The following SEZ6L variants were observed in gnomAD, a reference collection of about 807,000 sequenced individuals.
SEZ6L encodes the protein seizure 6-like protein.
A neutral mutation model predicts 106.2 loss-of-function variants in SEZ6L; 37 were observed. The ratio of observed to expected loss-of-function variants is 0.35; its 90% CI spans 0.27 to 0.46. SEZ6L has a LOEUF of 0.46. Among genes scored for constraint, SEZ6L ranks in the 20% least tolerant of loss-of-function variants. SEZ6L has a pLI of 1.00. For missense variants in SEZ6L, 1,172 were observed against 1,332.8 expected (o/e 0.88, Z 1.88); for synonymous variants, 541 against 570.4 (o/e 0.95, Z 0.73).
At chr22:26,301,624 G>A (rs2081457490) in intron 5 of SEZ6L, among the ~76,000 whole-genome samples, 1 of 152,158 alleles carries the variant, frequency 6.6e-6, no homozygotes, top group South Asian at 2.1e-4. Context: ...TGTGATAGAG[G>A]ACCTCACCTG....
Position 26,347,828 on chromosome 22 carries a change from C to T in SEZ6L, c.2322C>T (p.Asp774=). The change falls in exon 11 of 17, where the codon GAC becomes GAT. Residue 774 remains aspartate, a synonymous_variant. Transcript: ENST00000248933. ...GAGCCAGAATCACCTACCAGTGTGA[C>T]CCCGGCTATGACATCGTGGGGAGTG... is the stretch of plus-strand genomic sequence containing the variant. The part of the protein sequence containing the change: ...VRGARITYQC[D]PGYDIVGSDT... 1.9e-6 allele frequency: 3 copies of T among 1,606,562 alleles called. No homozygotes were observed. The highest frequency in any genetic ancestry group is 2.5e-6 in the Non-Finnish European group (3 of 1,177,556).
intron 1 of SEZ6L, among the ~76,000 whole-genome samples, chr22:26,267,834 T>C (rs1383851266): frequency 6.6e-6 from 1 of 152,148 alleles, no homozygotes; most frequent in Non-Finnish European, 1.5e-5. Flanking sequence ...GGAAGGTGAC[T>C]GAAATTAAGA....
At chr22:26,258,963 A>G (rs2079913142) in intron 1 of SEZ6L, among the ~76,000 whole-genome samples, 1 of 152,266 alleles carries the variant, frequency 6.6e-6, no homozygotes, top group Admixed American at 6.5e-5. Context: ...AGTCAGGGCA[A>G]CTAGTGAAGA....
chr22:26,244,913 G>A (rs973504916), intron 1 of SEZ6L, among the ~76,000 whole-genome samples: 1 of 152,170 alleles, frequency 6.6e-6, no homozygotes, highest in Admixed American at 6.5e-5. Context: ...AGCAGAACGA[G>A]GGGTTTGTGT....
intron 16 of SEZ6L, among the ~76,000 whole-genome samples, chr22:26,378,829 G>GATAA (rs1447419444): frequency 6.6e-6 from 1 of 152,162 alleles, no homozygotes; most frequent in African/African-American, 2.4e-5. Context: ...GAATAAACCT[G>GATAA]ACTTGTTTCT....
rs1334380360 is a variant in SEZ6L at position 26,380,948 on chromosome 22, T to C, written c.*653T>C. On this transcript the variant is annotated 3_prime_UTR_variant, in exon 17 of 17. Coordinates refer to ENST00000248933, the MANE Select transcript of SEZ6L (RefSeq NM_021115.5). ...TGACAAAACAAGAAAACGTTTTCTT[T>C]CTAGAAAGGTGATAAACGACCAAAG... 1.3e-5 allele frequency: 2 copies of C among 152,172 alleles called. No homozygotes were observed. The highest frequency in any genetic ancestry group is 1.3e-4 in the Admixed American group (2 of 15,276). 9.4% of individuals were successfully genotyped at this position (152,172 alleles called of 1,614,324 possible). A position where few individuals can be genotyped will look rare whatever the true frequency, so the allele number is the denominator to read the frequency against.
At chr22:26,239,218 T>C (rs547335650) in intron 1 of SEZ6L, among the ~76,000 whole-genome samples, 61 of 152,196 alleles carry the variant, frequency 4.0e-4, no homozygotes, top group African/African-American at 1.4e-3. Flanking sequence ...TGTGAAACCC[T>C]GTCTCAAAAA....
At chr22:26,294,480 G>A (rs970363493) in intron 3 of SEZ6L, 55 bp downstream of exon 3, 5 of 1,573,752 alleles carry the variant, frequency 3.2e-6, no homozygotes, top group East Asian at 4.5e-5. Context: ...GAAGTCTCAG[G>A]AGGATTGTCT....
intron 1 of SEZ6L, among the ~76,000 whole-genome samples, chr22:26,233,462 T>C (rs923198081): frequency 6.6e-6 from 1 of 152,228 alleles, no homozygotes; most frequent in African/African-American, 2.4e-5. Context: ...AGGGCTGTGC[T>C]GTATTCATAG....
intron 12 of SEZ6L, among the ~76,000 whole-genome samples, chr22:26,362,221 GA>G (rs2083658618): frequency 1.3e-5 from 2 of 152,214 alleles, no homozygotes; most frequent in African/African-American, 4.8e-5. Flanking sequence ...TTTGTGATTT[GA>G]TTCTGGGCTC....
intron 1 of SEZ6L, among the ~76,000 whole-genome samples, chr22:26,188,341 T>G (rs1415812045): frequency 6.6e-6 from 1 of 152,206 alleles, no homozygotes; most frequent in Non-Finnish European, 1.5e-5. Flanking sequence ...GCTTGGAGAT[T>G]CTTCTGCTCA....
chr22:26,276,680 A>T (rs956113537), intron 1 of SEZ6L, among the ~76,000 whole-genome samples: 15 of 152,138 alleles, frequency 9.9e-5, no homozygotes, highest in Non-Finnish European at 2.1e-4. Context: ...TTGTGTGTGT[A>T]CACACATAAA....
At chr22:26,367,006 C>G (rs2083837951) in intron 13 of SEZ6L, among the ~76,000 whole-genome samples, 1 of 152,142 alleles carries the variant, frequency 6.6e-6, no homozygotes. Flanking sequence ...AATATCGCTC[C>G]TGTTGAATGT....
chr22:26,269,111 G>A (rs1205384010), intron 1 of SEZ6L, among the ~76,000 whole-genome samples: 1 of 152,194 alleles, frequency 6.6e-6, no homozygotes, highest in Non-Finnish European at 1.5e-5. Flanking sequence ...ATGCTGTGCT[G>A]GTATAATGGC....
intron 6 of SEZ6L, among the ~76,000 whole-genome samples, chr22:26,309,641 C>T (rs931537739): frequency 3.9e-5 from 6 of 152,016 alleles, no homozygotes; most frequent in African/African-American, 9.7e-5. Flanking sequence ...TGCAGTGGCT[C>T]GATCTCGGCT....
chr22:26,365,328 G>T, intron 12 of SEZ6L, 44 bp from the exon 13 acceptor site: 1 of 1,554,496 alleles, frequency 6.4e-7, no homozygotes, highest in East Asian at 2.3e-5. Context: ...ACTCCCCAAA[G>T]ATTTGCATCA....
chr22:26,216,261 T>G (rs1041670349), intron 1 of SEZ6L, among the ~76,000 whole-genome samples: 1 of 152,212 alleles, frequency 6.6e-6, no homozygotes, highest in Non-Finnish European at 1.5e-5. Context: ...GCTAAATCAG[T>G]CTTTCCTGTC....
At chr22:26,259,338 C>T (rs2145813773) in intron 1 of SEZ6L, among the ~76,000 whole-genome samples, 1 of 152,166 alleles carries the variant, frequency 6.6e-6, no homozygotes, top group Admixed American at 6.5e-5. Context: ...GCCCATATAC[C>T]TATAGTAATG....
chr22:26,309,216 A>T (rs1232427711), intron 6 of SEZ6L, among the ~76,000 whole-genome samples: 1 of 152,232 alleles, frequency 6.6e-6, no homozygotes, highest in Non-Finnish European at 1.5e-5. Flanking sequence ...TTTTTGCATA[A>T]TTTCTTTAAA....
Sources: gnomAD v4.1 joint callset for allele counts (sites outside exome capture counted in the v4.1 genomes callset) on GRCh38, gnomAD v4.1.1 for gene constraint, MANE v1.5 for transcripts, NCBI Gene and HGNC (gene_info 2026-07-23, HGNC 2026-07-21) for gene names.